Variants in TPRG1 observed in about 807,000 individuals in gnomAD.
TPRG1 encodes tumor protein p63-regulated gene 1 protein.
TPRG1 carries 29 observed loss-of-function variants against 29.3 expected under a neutral mutation model. The observed-to-expected ratio is 0.99, with a 90% confidence interval of 0.74 to 1.35. TPRG1 has a LOEUF of 1.35. Among genes scored for constraint, TPRG1 ranks in the 40% most tolerant of loss-of-function variants. The pLI is 0.00. For synonymous variants in TPRG1, 130 were observed against 116.8 expected (o/e 1.11, Z -0.73); for missense variants, 327 against 335.0 (o/e 0.98, Z 0.19).
chr3:189,204,720 TCA>T (rs1176078804), intron 1 of TPRG1, among the ~76,000 whole-genome samples: 2 of 152,170 alleles, frequency 1.3e-5, no homozygotes, highest in African/African-American at 2.4e-5. Flanking sequence ...AGGCGTGTGT[TCA>T]CAGAGTGCGC....
At chr3:189,262,020 T>C (rs1273116346) in intron 4 of TPRG1, among the ~76,000 whole-genome samples, 1 of 152,012 alleles carries the variant, frequency 6.6e-6, no homozygotes, top group Non-Finnish European at 1.5e-5. Flanking sequence ...GAGCCTGAAA[T>C]GATTGACATT....
intron 5 of TPRG1, among the ~76,000 whole-genome samples, chr3:189,313,648 A>G (rs921764585): frequency 2.6e-5 from 4 of 152,160 alleles, no homozygotes; most frequent in Non-Finnish European, 4.4e-5. Flanking sequence ...CATTTCTTCT[A>G]CTGTATCTAG....
chr3:189,097,672 A>G (rs1718769706), upstream of TPRG1, among the ~76,000 whole-genome samples: 1 of 152,232 alleles, frequency 6.6e-6, no homozygotes, highest in African/African-American at 2.4e-5. Context: ...CATGGCCGTG[A>G]AAAATATGGC....
chr3:189,036,538 A>G (rs947733349), intron 4 of TPRG1, among the ~76,000 whole-genome samples: 4 of 152,118 alleles, frequency 2.6e-5, no homozygotes, highest in African/African-American at 9.7e-5. Flanking sequence ...TGCATATGTA[A>G]AAATATAAAA....
intron 1 of TPRG1, among the ~76,000 whole-genome samples, chr3:189,112,808 G>T (rs113973820): frequency 6.6e-6 from 1 of 152,146 alleles, no homozygotes; most frequent in African/African-American, 2.4e-5. Flanking sequence ...TTCAGGTAGC[G>T]TGATGCCTCC....
chr3:189,057,837 T>A (rs140760271), intron 4 of TPRG1, among the ~76,000 whole-genome samples: 14 of 140,078 alleles, frequency 1.0e-4, no homozygotes, highest in Non-Finnish European at 1.8e-4. Context: ...TACACACATA[T>A]GTATGTGTGT....
chr3:189,037,074 C>T (rs1051542174), intron 4 of TPRG1, among the ~76,000 whole-genome samples: 1 of 150,826 alleles, frequency 6.6e-6, no homozygotes, highest in Non-Finnish European at 1.5e-5. Flanking sequence ...AATCACCCTC[C>T]TTTCCTCATA....
At chr3:189,106,974 A>G (rs1719901434) in intron 1 of TPRG1, among the ~76,000 whole-genome samples, 1 of 152,130 alleles carries the variant, frequency 6.6e-6, no homozygotes, top group Non-Finnish European at 1.5e-5. Context: ...GTCTCTTAAA[A>G]GATAATTTAA....
intron 4 of TPRG1, among the ~76,000 whole-genome samples, chr3:189,074,049 G>C (rs1328775085): frequency 2.6e-5 from 4 of 151,942 alleles, no homozygotes; most frequent in African/African-American, 7.3e-5. Context: ...ATCAAATAAC[G>C]GTTGTTAGTT....
At chr3:189,265,145 G>A (rs1357064878) in intron 4 of TPRG1, among the ~76,000 whole-genome samples, 1 of 152,194 alleles carries the variant, frequency 6.6e-6, no homozygotes, top group African/African-American at 2.4e-5. Flanking sequence ...ATTTTGATTT[G>A]TATATGAATA....
At chr3:189,244,385 C>G (rs1036512564) in intron 4 of TPRG1, among the ~76,000 whole-genome samples, 5 of 152,056 alleles carry the variant, frequency 3.3e-5, no homozygotes, top group African/African-American at 1.2e-4. Context: ...AGCCACTGCA[C>G]TCCAGCCTGG....
chr3:189,044,618 G>T (rs1056126500), intron 4 of TPRG1, among the ~76,000 whole-genome samples: 13 of 152,058 alleles, frequency 8.5e-5, no homozygotes, highest in African/African-American at 2.9e-4. Flanking sequence ...TGTAAGGATG[G>T]CAAAGAATAG....
chr3:189,211,990 CT>C (rs1191463336), intron 2 of TPRG1: 26 of 114,036 alleles, frequency 2.3e-4, no homozygotes, highest in African/African-American at 9.8e-4. Context: ...AGGCTAATAA[CT>C]AGAGGTATAT....
At chr3:189,058,973 A>T (rs879836686) in intron 4 of TPRG1, among the ~76,000 whole-genome samples, 2 of 152,168 alleles carry the variant, frequency 1.3e-5, no homozygotes, top group Non-Finnish European at 2.9e-5. Flanking sequence ...TTCTGTAAGC[A>T]TATCTAGTTC....
chr3:189,120,931 T>C (rs1177201981), intron 1 of TPRG1, among the ~76,000 whole-genome samples: 1 of 152,220 alleles, frequency 6.6e-6, no homozygotes, highest in African/African-American at 2.4e-5. Context: ...TGGGAAAATT[T>C]AGATAAATAA....
chr3:189,298,947 A>G (rs373152936), intron 4 of TPRG1, among the ~76,000 whole-genome samples: 98 of 152,304 alleles, frequency 6.4e-4, no homozygotes, highest in Admixed American at 2.0e-3. Flanking sequence ...CCATGACAGC[A>G]GGGCTAGAAG....
chr3:189,085,311 T>C (rs535252239), intron 4 of TPRG1, among the ~76,000 whole-genome samples: 1 of 152,342 alleles, frequency 6.6e-6, no homozygotes, highest in South Asian at 2.1e-4. Flanking sequence ...TTCATAGACA[T>C]GCAATTCACA....
At chr3:189,213,500 C>A (rs551650838) in intron 2 of TPRG1, among the ~76,000 whole-genome samples, 1 of 152,206 alleles carries the variant, frequency 6.6e-6, no homozygotes, top group South Asian at 2.1e-4. Flanking sequence ...TACATTTTTA[C>A]CAAAGATAAG....
intron 4 of TPRG1, among the ~76,000 whole-genome samples, chr3:189,058,572 G>A (rs1335295190): frequency 6.6e-6 from 1 of 152,200 alleles, no homozygotes; most frequent in African/African-American, 2.4e-5. Context: ...GAAAAGTCAA[G>A]GCGCTGTTAG....
Sources: allele counts gnomAD v4.1 joint callset (sites outside exome capture counted in the v4.1 genomes callset), GRCh38; gene constraint gnomAD v4.1.1; transcripts MANE v1.5; gene names NCBI Gene and HGNC (gene_info 2026-07-23, HGNC 2026-07-21).